The following AFF2 variants were observed in gnomAD, a reference collection of about 807,000 sequenced individuals.
AFF2 encodes the protein AF4/FMR2 family member 2.
Under a neutral mutation model 76.9 loss-of-function variants are expected in AFF2, and 14 were observed. That is an observed-to-expected ratio of 0.18 (90% confidence interval 0.12 to 0.28). The LOEUF is 0.28. Among genes scored for constraint, AFF2 ranks in the 10% least tolerant of loss-of-function variants. The probability of loss-of-function intolerance (pLI) is 1.00; values close to 1 mark genes in which losing one functional copy is unlikely to be tolerated. For missense variants in AFF2, 868 were observed against 1,001.1 expected, an observed-to-expected ratio of 0.87 and a Z score of 1.79; for synonymous variants, 398 against 366.7, an observed-to-expected ratio of 1.09 and a Z score of -0.98.
chrX:148,614,738 T>TTTC (rs1158870444), intron 1 of AFF2, among the ~76,000 whole-genome samples: 1,301 of 55,003 alleles, frequency 0.024, 22 homozygotes, highest in Non-Finnish European at 0.03. Flanking sequence ...TCTTTCCTTC[T>TTTC]TTTCTTTCTT....
intron 3 of AFF2, among the ~76,000 whole-genome samples, chrX:148,749,975 A>G (rs138673701): frequency 0.017 from 1,772 of 107,005 alleles, 78 homozygotes; most frequent in East Asian, 0.12. Flanking sequence ...TTATTTATTT[A>G]TTTATTTTTA....
At chrX:148,627,428 C>T (rs2053937359) in intron 1 of AFF2, among the ~76,000 whole-genome samples, 1 of 111,757 alleles carries the variant, frequency 8.9e-6, no homozygotes, top group South Asian at 3.7e-4. Context: ...GGTCAGCTTG[C>T]CCAGGCACAG....
chrX:148,539,169 A>C (rs1023642288), intron 1 of AFF2, among the ~76,000 whole-genome samples: 2 of 112,173 alleles, frequency 1.8e-5, no homozygotes, highest in Non-Finnish European at 1.9e-5. Context: ...AGTTACAGGA[A>C]GACAAAGTAA....
intron 3 of AFF2, among the ~76,000 whole-genome samples, chrX:148,801,118 C>A (rs925417111): frequency 3.6e-5 from 4 of 111,612 alleles, no homozygotes; most frequent in African/African-American, 6.5e-5. Context: ...GGTCATTAGT[C>A]CTACTCCTGC....
chrX:148,927,407 T>C lies in AFF2; in HGVS notation c.1397+23149T>C, dbSNP rs939303206. Among the ~76,000 whole-genome samples, 15 of 111,586 alleles carry C rather than the reference T, an allele frequency of 1.3e-4. No individual in the cohort carries two copies. In the East Asian group the frequency reaches 4.2e-3, roughly 31 times the overall value. ...CTTTCCCTTTCTCTCTTTTATCTTG[T>C]TTTTCTTTTTTGCTGCATGTCTGCC... On this transcript the variant is annotated intron_variant, in intron 9 of 20. Coordinates refer to ENST00000370460, the MANE Select transcript of AFF2 (RefSeq NM_002025.4).
intron 7 of AFF2, among the ~76,000 whole-genome samples, chrX:148,854,775 T>C (rs2070768516): frequency 8.9e-6 from 1 of 111,925 alleles, no homozygotes; most frequent in African/African-American, 3.2e-5. Flanking sequence ...GGAATTCCTT[T>C]GTGCATGTCT....
chrX:148,964,801 C>CATATAATTATGTGGTAAATTTGA (rs1178174872), intron 13 of AFF2, among the ~76,000 whole-genome samples: 2 of 111,820 alleles, frequency 1.8e-5, no homozygotes, highest in Non-Finnish European at 3.8e-5. Flanking sequence ...TGTTTTACCA[C>CATATAATTATGTGGTAAATTTGA]AATTATGAAA....
chrX:148,538,068 G>C (rs1234444375), intron 1 of AFF2, among the ~76,000 whole-genome samples: 2 of 112,555 alleles, frequency 1.8e-5, no homozygotes, highest in African/African-American at 6.4e-5. Flanking sequence ...AGTGTCATTA[G>C]ACCAACCTTC....
intron 7 of AFF2, among the ~76,000 whole-genome samples, chrX:148,859,894 T>A (rs1196618569): frequency 1.8e-5 from 2 of 111,025 alleles, no homozygotes; most frequent in Non-Finnish European, 1.9e-5. Context: ...TAGGTATACA[T>A]GTGCCATGTT....
intron 7 of AFF2, among the ~76,000 whole-genome samples, chrX:148,859,212 A>G (rs1268285460): frequency 1.9e-5 from 2 of 106,902 alleles, no homozygotes; most frequent in Non-Finnish European, 3.9e-5. Context: ...GTTTCCTATC[A>G]CATTTAAATA....
chrX:148,895,504 G>C (rs1406152446), intron 8 of AFF2, among the ~76,000 whole-genome samples: 2 of 110,020 alleles, frequency 1.8e-5, no homozygotes, highest in African/African-American at 6.6e-5. Flanking sequence ...AACAAGTATG[G>C]CCATGCTACT....
intron 3 of AFF2, among the ~76,000 whole-genome samples, chrX:148,736,525 A>C (rs1386164770): frequency 1.4e-4 from 16 of 110,476 alleles, no homozygotes. Flanking sequence ...GTCCTTTGTT[A>C]GATGTATACA....
chrX:148,559,726 G>A (rs1306019826), intron 1 of AFF2, among the ~76,000 whole-genome samples: 7 of 111,751 alleles, frequency 6.3e-5, no homozygotes, highest in African/African-American at 2.3e-4. Context: ...GAATAATGGT[G>A]CAGTAAACAT....
chrX:148,813,686 A>G (rs1385129503), intron 4 of AFF2, among the ~76,000 whole-genome samples: 5 of 112,058 alleles, frequency 4.5e-5, no homozygotes, highest in African/African-American at 1.3e-4. Context: ...GAGTCATACT[A>G]TCCGTTCTTC....
intron 1 of AFF2, among the ~76,000 whole-genome samples, chrX:148,634,316 T>C (rs1393746048): frequency 1.8e-5 from 2 of 111,826 alleles, no homozygotes; most frequent in African/African-American, 3.3e-5. Context: ...TTAGATTTTA[T>C]AAATGAGTAA....
At chrX:148,982,947 A>T (rs782376322) in intron 19 of AFF2, among the ~76,000 whole-genome samples, 1 of 112,811 alleles carries the variant, frequency 8.9e-6, no homozygotes, top group African/African-American at 3.2e-5. Flanking sequence ...AAAATATAAT[A>T]ACAATTACAT....
rs781904852 is a variant in AFF2 at position 148,984,998 on chromosome X, C to CT, written c.3624-2361dup. The stretch of plus-strand genomic sequence containing the variant: ...TCCCTTTTGTTTTCTTTTTTTCTGT[C>CT]TTTTTTTTGGGAGATGGAGTCTCAC... On this transcript the variant is annotated intron_variant, in intron 19 of 20. Coordinates refer to ENST00000370460, the MANE Select transcript of AFF2 (RefSeq NM_002025.4). Among the ~76,000 whole-genome samples the CT allele has an allele frequency of 3.1e-3, 337 of 109,820 alleles. 2 individuals are homozygous for CT. Among genetic ancestry groups the CT allele is most frequent in the Non-Finnish European group, 3.9e-3 (207 of 52,511 alleles).
intron 1 of AFF2, among the ~76,000 whole-genome samples, chrX:148,551,859 T>C (rs2052997702): frequency 8.9e-6 from 1 of 112,331 alleles, no homozygotes; most frequent in Non-Finnish European, 1.9e-5. Flanking sequence ...TATGGTAGTG[T>C]CCTTGGGCCA....
chrX:148,501,641 G>A (rs2052353356), intron 1 of AFF2, among the ~76,000 whole-genome samples: 1 of 113,476 alleles, frequency 8.8e-6, no homozygotes, highest in Non-Finnish European at 1.9e-5. Flanking sequence ...CTCCATCCCT[G>A]CGCTGCGCGG....
Sources: allele counts gnomAD v4.1 joint callset (sites outside exome capture counted in the v4.1 genomes callset), GRCh38; gene constraint gnomAD v4.1.1; transcripts MANE v1.5; gene names NCBI Gene and HGNC (gene_info 2026-07-23, HGNC 2026-07-21).